Variants in MIA2 observed in about 807,000 individuals in gnomAD.
MIA2 encodes MIA SH3 domain ER export factor 2.
A neutral mutation model predicts 167.8 loss-of-function variants in MIA2; 127 were observed. The observed-to-expected ratio is 0.76, with a 90% CI of 0.66 to 0.88. The LOEUF (loss-of-function observed/expected upper bound fraction) is 0.88. Among genes scored for constraint, MIA2 ranks in the 40% least tolerant of loss-of-function variants. MIA2 has a pLI of 0.00. For missense variants in MIA2, 1,690 were observed against 1,624.7 expected, an observed-to-expected ratio of 1.04 and a Z score of -0.69; for synonymous variants, 552 against 541.9, an observed-to-expected ratio of 1.02 and a Z score of -0.26.
rs1164067606 is a variant in MIA2, at chr14:39,288,479, T to TTG, written c.2131-2539_2131-2538insGT. 1.2e-3 allele frequency among the ~76,000 whole-genome samples: 76 copies of TTG among 64,964 alleles called. 6 individuals are homozygous for TTG. Among genetic ancestry groups the TTG allele is most frequent in the African/African-American group, 3.1e-3 (63 of 20,262 alleles). 42.6% of individuals were successfully genotyped at this position (64,964 alleles called of 152,430 possible). Reference sequence around the variant, plus strand: ...TATATATATATATATATATATATTTTTTTTTTTTTTTTTGAGACGGAGTCT... The same window carrying TTG: ...TATATATATATATATATATATATTTTTGTTTTTTTTTTTTTGAGACGGAGTCT... On this transcript the variant is annotated intron_variant, in intron 9 of 28. Transcript: ENST00000640607.
At chr14:39,346,071 A>C in intron 26 of MIA2, 45 bp downstream of exon 26, 1 of 1,537,392 alleles carries the variant, frequency 6.5e-7, no homozygotes, top group Non-Finnish European at 9.0e-7. Context: ...TTTTGGTGGC[A>C]CACTAAAGAA....
chr14:39,271,094 CG>C (rs556684518), intron 6 of MIA2, among the ~76,000 whole-genome samples: 4 of 152,244 alleles, frequency 2.6e-5, no homozygotes, highest in African/African-American at 7.2e-5. Context: ...TTAGCTCTTA[CG>C]GGAAGTTCTT....
chr14:39,277,167 C>A (rs1816555792), intron 7 of MIA2, 102 bp downstream of exon 7: 13 of 1,408,310 alleles, frequency 9.2e-6, no homozygotes, highest in Non-Finnish European at 1.2e-5. Flanking sequence ...AAGTTAGAAA[C>A]TACATAGGGA....
intron 1 of MIA2, among the ~76,000 whole-genome samples, chr14:39,236,279 T>C (rs2053742789): frequency 6.6e-6 from 1 of 152,006 alleles, no homozygotes; most frequent in Non-Finnish European, 1.5e-5. Context: ...GGCTGCTTCA[T>C]AGAGGAAGCA....
intron 6 of MIA2, chr14:39,266,643 C>A: frequency 1.0e-6 from 1 of 985,608 alleles, no homozygotes; most frequent in Non-Finnish European, 1.2e-6. Context: ...ACGTGGTTGG[C>A]AGGGCGCACC....
rs541538187 is a variant in MIA2, at chr14:39,302,991, C to T, written c.2741-487C>T. 3.2e-4 allele frequency among the ~76,000 whole-genome samples: 49 copies of T among 152,006 alleles called. No individual in the cohort carries two copies. The South Asian group carries it at 7.0e-3, about 22-fold the overall frequency. ...AAAAAGTGTGATTAAAAATTTTTTT[C>T]GTGACAACATTAATATGTTGGAAAA... On this transcript the variant is annotated intron_variant, in intron 15 of 28. Coordinates refer to ENST00000640607, the MANE Select transcript of MIA2 (RefSeq NM_001329214.4).
At chr14:39,267,374 G>A in intron 6 of MIA2, 1 of 1,597,714 alleles carries the variant, frequency 6.3e-7, no homozygotes, top group Non-Finnish European at 8.5e-7. Context: ...TCGGGTTCCG[G>A]ACCGAAGGCT....
At position 39,245,081 on chromosome 14, in the gene MIA2, C is replaced by CTTTTTTT. The variant is rs10683715; in HGVS notation, c.337-1824_337-1818dup. 1.5e-3 allele frequency among the ~76,000 whole-genome samples: 182 copies of CTTTTTTT among 119,694 alleles called. 29 individuals are homozygous for CTTTTTTT. Among genetic ancestry groups the CTTTTTTT allele is most frequent in the East Asian group, 4.4e-3 (19 of 4,328 alleles). The allele number at this position is 119,694 out of a possible 152,430, so 78.5% of individuals were successfully genotyped here. ...GCATGGGCCGCCGCACCTAGCTAAC[C>CTTTTTTT]TTTTTTTTTTTTAAAGACAGGATCT... On this transcript the variant is annotated intron_variant, in intron 3 of 28. Transcript: ENST00000640607.
At position 39,313,410 on chromosome 14, in the gene MIA2, A is replaced by G. The variant is rs1385597226; in HGVS notation, c.3088A>G (p.Ser1030Gly). The change falls in exon 19 of 29, where the codon AGC (serine) becomes GGC (glycine). Residue 1030 changes from serine to glycine, a missense_variant. Ser to Gly is a moderately conservative substitution (Grantham distance 56, BLOSUM62 0). Coordinates refer to ENST00000640607, the MANE Select transcript of MIA2 (RefSeq NM_001329214.4). ...EKLSKVDEKI[S>G]HATEELETYR... is the part of the protein sequence containing the mutation. ...ACTTTCTAAAGTAGATGAAAAGATC[A>G]GCCATGCCACTGAAGAGCTGGAGAC... The G allele has an allele frequency of 6.2e-7, 1 of 1,604,056 alleles. No individual in the cohort carries two copies. The highest frequency in any genetic ancestry group is 1.1e-5 in the South Asian group (1 of 88,870).
intron 19 of MIA2, 107 bp downstream of exon 19, chr14:39,313,548 T>A: frequency 1.6e-6 from 1 of 631,890 alleles, no homozygotes; most frequent in Non-Finnish European, 2.7e-6. Context: ...CATTTTAAAA[T>A]CTGACAGGTG....
At chr14:39,320,697 G>T (rs530190189) in intron 23 of MIA2, among the ~76,000 whole-genome samples, 1 of 152,036 alleles carries the variant, frequency 6.6e-6, no homozygotes, top group East Asian at 1.9e-4. Flanking sequence ...TTCCCAGTTC[G>T]TTGATGTTTT....
At chr14:39,288,469 A>ATTTT (rs1289953072) in intron 9 of MIA2, among the ~76,000 whole-genome samples, 4 of 52,710 alleles carry the variant, frequency 7.6e-5, no homozygotes, top group Admixed American at 3.4e-4. Flanking sequence ...ATATATATAT[A>ATTTT]TATATATTTT....
At chr14:39,373,132 C>A (rs149346294) in intron 23 of MIA2, among the ~76,000 whole-genome samples, 5 of 152,002 alleles carry the variant, frequency 3.3e-5, no homozygotes, top group African/African-American at 1.2e-4. Context: ...ACCCTAAATA[C>A]GTACATTTAT....
exon 24 of MIA2, chr14:39,387,538 T>G (rs2075288754): frequency 1.3e-5 from 2 of 152,272 alleles, no homozygotes; most frequent in Admixed American, 6.5e-5. Context: ...AAAAAGTGTG[T>G]TTTTGAGATG....
Position 39,267,489 on chromosome 14 carries a change from G to T in MIA2, c.1888-9445G>T, listed in dbSNP as rs34909359. On this transcript the variant is annotated intron_variant, in intron 6 of 28. Transcript: ENST00000640607. The stretch of plus-strand genomic sequence containing the variant: ...AGGAGCCCGGGGTTACCCCTCAACC[G>T]TATTTGGGGCTGCTCCTGGAGGAGC... The T allele has an allele frequency of 3.6e-3, 5,816 of 1,613,458 alleles. 201 individuals are homozygous for T. In the African/African-American group the frequency reaches 0.069, roughly 19 times the overall value.
chr14:39,290,853 ATTGT>A (rs1460335093), intron 9 of MIA2, among the ~76,000 whole-genome samples, 162 bp from the exon 10 acceptor site: 5 of 152,212 alleles, frequency 3.3e-5, no homozygotes, highest in Admixed American at 3.3e-4. Flanking sequence ...CTGCTCTGGC[ATTGT>A]TTGTTGTAGT....
chr14:39,261,682 T>C (rs995037375), intron 6 of MIA2, among the ~76,000 whole-genome samples: 2 of 152,168 alleles, frequency 1.3e-5, no homozygotes, highest in Non-Finnish European at 2.9e-5. Context: ...GATCACCATT[T>C]TAACTGGTGT....
intron 25 of MIA2, among the ~76,000 whole-genome samples, chr14:39,337,903 A>C (rs2070813318): frequency 6.6e-6 from 1 of 152,018 alleles, no homozygotes; most frequent in African/African-American, 2.4e-5. Context: ...TAAAATTTTT[A>C]GTAGAGACAG....
Position 39,299,409 on chromosome 14 carries a change from G to A in MIA2, c.2497-455G>A, listed in dbSNP as rs1448463195. 6.3e-5 allele frequency among the ~76,000 whole-genome samples: 9 copies of A among 143,988 alleles called. No individual in the cohort carries two copies. The East Asian group carries it at 1.7e-3, about 27-fold the overall frequency. 94.5% of individuals were successfully genotyped at this position (143,988 alleles called of 152,430 possible). On this transcript the variant is annotated intron_variant, in intron 13 of 28. Coordinates refer to ENST00000640607, the MANE Select transcript of MIA2 (RefSeq NM_001329214.4). Reference sequence around the variant, plus strand: ...TGCAACCTCTGCCTCCTGGGTTCAAGCGATTCTCCTGCCTCAACTTCCTGA... The same window carrying A: ...TGCAACCTCTGCCTCCTGGGTTCAAACGATTCTCCTGCCTCAACTTCCTGA...
Sources: gnomAD v4.1 joint callset for allele counts (sites outside exome capture counted in the v4.1 genomes callset) on GRCh38, gnomAD v4.1.1 for gene constraint, MANE v1.5 for transcripts, NCBI Gene and HGNC (gene_info 2026-07-23, HGNC 2026-07-21) for gene names.